Variants in ANKRD27 observed in about 807,000 individuals in gnomAD.
ANKRD27 encodes ankyrin repeat domain 27, also known as ankyrin repeat domain-containing protein 27.
A neutral mutation model predicts 129.7 loss-of-function variants in ANKRD27; 112 were observed. The ratio of observed to expected loss-of-function variants is 0.86; its 90% CI spans 0.74 to 1.01. The LOEUF is 1.01. Ranked by LOEUF, ANKRD27 falls within the 50% of genes least tolerant of loss-of-function variation. The pLI is 0.00. For missense variants in ANKRD27, 1,258 were observed against 1,300.5 expected, an observed-to-expected ratio of 0.97 and a Z score of 0.50; for synonymous variants, 516 against 511.2, an observed-to-expected ratio of 1.01 and a Z score of -0.13.
Position 32,619,556 on chromosome 19 carries a change from A to AG in ANKRD27, c.1828-4dup, listed in dbSNP as rs761783254. ...TAGGCTTCCATTACAGACAGAATCTAGGGGGACAAGGGGGATGCCAACAGT... is the reference window on the plus strand; with the variant it reads ...TAGGCTTCCATTACAGACAGAATCTAGGGGGGACAAGGGGGATGCCAACAGT... On this transcript the variant is annotated splice_region_variant and splice_polypyrimidine_tract_variant and intron_variant, in intron 18 of 28. Transcript: ENST00000306065. 8.8e-5 allele frequency: 142 copies of AG among 1,613,904 alleles called. No homozygotes were observed. Among genetic ancestry groups the AG allele is most frequent in the Admixed American group, 3.0e-4 (18 of 60,002 alleles).
At chr19:32,674,509 C>T (rs544087439) in intron 1 of ANKRD27, among the ~76,000 whole-genome samples, 7 of 152,290 alleles carry the variant, frequency 4.6e-5, no homozygotes, top group Admixed American at 1.3e-4. Context: ...ACTCAGAATC[C>T]GGAACATCTC....
In ANKRD27 at chr19:32,639,491, A is replaced by G; in HGVS notation, c.984-3T>C. On this transcript the variant is annotated splice_region_variant and splice_polypyrimidine_tract_variant and intron_variant, in intron 11 of 28. Coordinates refer to ENST00000306065, the MANE Select transcript of ANKRD27 (RefSeq NM_032139.3). ...TGATGTAACTCAAATTTGCCATCCT[A>G]ATGAAAGGAAGAAAAAAGTTATGTT... 3 of 1,611,452 alleles carry G rather than the reference A, an allele frequency of 1.9e-6. No individual in the cohort carries two copies. Among genetic ancestry groups the G allele is most frequent in the Non-Finnish European group, 2.5e-6 (3 of 1,178,516 alleles).
intron 22 of ANKRD27, among the ~76,000 whole-genome samples, chr19:32,609,701 A>G (rs1296769046): frequency 6.6e-6 from 1 of 151,606 alleles, no homozygotes; most frequent in Non-Finnish European, 1.5e-5. Context: ...CTCACAGGAA[A>G]CTCTTGCAAG....
intron 12 of ANKRD27, 178 bp downstream of exon 12, chr19:32,639,178 T>C (rs976538285): frequency 2.1e-5 from 14 of 669,560 alleles, no homozygotes; most frequent in African/African-American, 9.1e-5. Context: ...TTACCACCAA[T>C]TGAGGGCTTG....
chr19:32,621,236 C>T (rs973137530), intron 18 of ANKRD27, among the ~76,000 whole-genome samples: 2 of 152,192 alleles, frequency 1.3e-5, no homozygotes, highest in Admixed American at 6.5e-5. Flanking sequence ...AATGCCAGCA[C>T]CCTGGGAGGC....
At chr19:32,604,733 A>C (rs1971706160) in intron 24 of ANKRD27, among the ~76,000 whole-genome samples, 1 of 152,184 alleles carries the variant, frequency 6.6e-6, no homozygotes, top group Non-Finnish European at 1.5e-5. Context: ...TGAGTAAATA[A>C]GTTTCTACAT....
intron 8 of ANKRD27, 38 bp downstream of exon 8, chr19:32,643,249 A>G (rs76893964): frequency 0.017 from 27,642 of 1,614,012 alleles, 294 homozygotes; most frequent in Non-Finnish European, 0.02. Flanking sequence ...AGCACAGAAG[A>G]AGGCTTCCAT....
intron 21 of ANKRD27, among the ~76,000 whole-genome samples, chr19:32,617,330 G>C (rs1246112691): frequency 6.6e-6 from 1 of 152,130 alleles, no homozygotes; most frequent in Non-Finnish European, 1.5e-5. Context: ...AATCGCTTGA[G>C]GCCAGGAGTT....
intron 1 of ANKRD27, chr19:32,666,247 G>T (rs1437977936): frequency 6.6e-6 from 1 of 152,154 alleles, no homozygotes; most frequent in Non-Finnish European, 1.5e-5. Flanking sequence ...CTTATTTTAG[G>T]TAAGGTTCTA....
At chr19:32,618,277 C>T (rs529406360) in intron 20 of ANKRD27, among the ~76,000 whole-genome samples, 17 of 151,472 alleles carry the variant, frequency 1.1e-4, no homozygotes, top group African/African-American at 3.9e-4. Context: ...ACAAGTCCTT[C>T]CTAAGACGCC....
intron 1 of ANKRD27, among the ~76,000 whole-genome samples, chr19:32,662,311 CAAAAAAAAAAAAAA>C (rs34066529): frequency 2.6e-4 from 10 of 38,006 alleles, no homozygotes; most frequent in Non-Finnish European, 4.4e-4. Flanking sequence ...ACTCAGTCTC[CAAAAAAAAAAAAAA>C]AAAAAAAAAA....
chr19:32,613,856 C>G (rs1971870947), intron 22 of ANKRD27, among the ~76,000 whole-genome samples: 1 of 151,920 alleles, frequency 6.6e-6, no homozygotes, highest in Admixed American at 6.6e-5. Context: ...CTAGAAGCGC[C>G]CGCCACCACG....
intron 9 of ANKRD27, 102 bp from the exon 10 acceptor site, chr19:32,642,247 C>T (rs1362188368): frequency 8.3e-7 from 1 of 1,204,074 alleles, no homozygotes; most frequent in African/African-American, 1.5e-5. Context: ...TCACAACAAA[C>T]CAGAAGGAAT....
In ANKRD27 at chr19:32,608,706, C is replaced by A. The variant is rs750790550; in HGVS notation, c.2176-874G>T. ...GTGGCTCATGCCTGTAATCCCAACA[C>A]TTTGAGAGTCCGAGGTGGGCAGATC... On this transcript the variant is annotated intron_variant, in intron 22 of 28. Transcript: ENST00000306065. Among the ~76,000 whole-genome samples, 4 of 152,124 alleles carry A rather than the reference C, an allele frequency of 2.6e-5. No homozygotes were observed. In the South Asian group the frequency reaches 8.3e-4, roughly 32 times the overall value.
intron 1 of ANKRD27, 88 bp from the exon 2 acceptor site, chr19:32,659,133 CTTTTTCTTTTTTTT>C: frequency 3.0e-6 from 1 of 330,984 alleles, no homozygotes; most frequent in South Asian, 3.9e-5. Flanking sequence ...CTGGCATTTT[CTTTTTCTTTTTTTT>C]TTTTTTTTTG....
chr19:32,619,345 G>A lies in ANKRD27; in HGVS notation c.1922C>T (p.Ser641Phe). The A allele has an allele frequency of 6.2e-7, 1 of 1,613,824 alleles. No individual in the cohort carries two copies. Among genetic ancestry groups the A allele is most frequent in the Non-Finnish European group, 8.5e-7 (1 of 1,180,004 alleles). The change falls in exon 20 of 29, where the codon TCC (serine) becomes TTC (phenylalanine). Residue 641 changes from serine (S) to phenylalanine (F), a missense_variant. Physicochemically the swap from Ser to Phe is radical, Grantham distance 155 (BLOSUM62 -2). Coordinates refer to ENST00000306065, the MANE Select transcript of ANKRD27 (RefSeq NM_032139.3). ...GGAAGTGGAGGACTCTTGGCTGATGGAGTCCACGGAGCGCTGCGGGGACTG... is the reference window on the plus strand; with the variant it reads ...GGAAGTGGAGGACTCTTGGCTGATGAAGTCCACGGAGCGCTGCGGGGACTG... ...PVQSPQRSVD[S>F]ISQESSTSSF...
chr19:32,666,639 C>CTTTTTTTTT (rs1421941665), intron 1 of ANKRD27, among the ~76,000 whole-genome samples: 2 of 112,020 alleles, frequency 1.8e-5, no homozygotes, highest in Admixed American at 1.0e-4. Context: ...AATCAGATTT[C>CTTTTTTTTT]TATTTTTTTT....
chr19:32,629,244 T>C (rs186050591), intron 13 of ANKRD27, among the ~76,000 whole-genome samples: 1 of 152,206 alleles, frequency 6.6e-6, no homozygotes, highest in Admixed American at 6.5e-5. Flanking sequence ...GAAATGCTCA[T>C]CTATGTGTTT....
intron 20 of ANKRD27, 137 bp from the exon 21 acceptor site, chr19:32,617,770 T>TTTTG: frequency 2.2e-6 from 1 of 463,070 alleles, no homozygotes. Flanking sequence ...TTTTTTTTTT[T>TTTTG]TGAGATGGAG....
Sources: allele counts gnomAD v4.1 joint callset (sites outside exome capture counted in the v4.1 genomes callset), GRCh38; gene constraint gnomAD v4.1.1; transcripts MANE v1.5; gene names NCBI Gene and HGNC (gene_info 2026-07-23, HGNC 2026-07-21).